Variants in RYR1 observed in about 807,000 individuals in gnomAD.
RYR1 encodes the protein central core disease of muscle.
A neutral mutation model predicts 583.5 loss-of-function variants in RYR1; 342 were observed. That is an observed-to-expected ratio of 0.59 (90% CI 0.54 to 0.64). RYR1 has a LOEUF of 0.64. Among genes scored for constraint, RYR1 ranks in the 30% least tolerant of loss-of-function variants. The probability of loss-of-function intolerance (pLI) is 0.00; values close to 1 mark genes in which losing one functional copy is unlikely to be tolerated. For missense variants in RYR1, 6,032 were observed against 6,917.2 expected (o/e 0.87, Z 4.54); for synonymous variants, 2,791 against 2,822.5 (o/e 0.99, Z 0.35).
chr19:38,455,821 C>A (rs959005049), intron 16 of RYR1, 70 bp downstream of exon 16: 28 of 943,168 alleles, frequency 3.0e-5, no homozygotes, highest in Non-Finnish European at 4.4e-5. Context: ...GGCTCCAGAA[C>A]TCTGCTCACT....
chr19:38,564,944 C>T lies in RYR1; in HGVS notation c.12625-15C>T, dbSNP rs768657844. Reference sequence around the variant, plus strand: ...GCTGACGGCGCCCTATCCTGTCTGCCGCCCCTCGCTTCAGGTGAAGGAGTC... The same window carrying T: ...GCTGACGGCGCCCTATCCTGTCTGCTGCCCCTCGCTTCAGGTGAAGGAGTC... On this transcript the variant is annotated splice_polypyrimidine_tract_variant and intron_variant, in intron 90 of 105. Coordinates refer to ENST00000359596, the MANE Select transcript of RYR1 (RefSeq NM_000540.3). 3.2e-6 allele frequency: 5 copies of T among 1,566,260 alleles called. No individual in the cohort carries two copies. The highest frequency in any genetic ancestry group is 8.6e-7 in the Non-Finnish European group (1 of 1,157,204).
At chr19:38,567,719 C>T in intron 92 of RYR1, 54 bp from the exon 93 acceptor site, 2 of 1,613,138 alleles carry the variant, frequency 1.2e-6, no homozygotes, top group Non-Finnish European at 1.7e-6. Context: ...AATGAATGAA[C>T]TCATGCATTG....
At chr19:38,440,933 G>T in intron 2 of RYR1, 69 bp downstream of exon 2, 1 of 1,543,172 alleles carries the variant, frequency 6.5e-7, no homozygotes, top group Non-Finnish European at 8.9e-7. Flanking sequence ...TGGGTCCAAA[G>T]AAGAGGGTTC....
chr19:38,508,808 T>C (rs1372040345), intron 58 of RYR1, among the ~76,000 whole-genome samples: 1 of 150,870 alleles, frequency 6.6e-6, no homozygotes, highest in Non-Finnish European at 1.5e-5. Context: ...TGACCTTACC[T>C]GGAATGAGAT....
At position 38,561,455 on chromosome 19, in the gene RYR1, G is replaced by GT. The variant is rs772165973; in HGVS notation, c.12624+2dup. On this transcript the variant is annotated splice_donor_variant, in intron 90 of 105. Transcript: ENST00000359596. LOFTEE classifies it high-confidence loss of function. The surrounding 1 kb of genome is among the most constrained non-coding windows in gnomAD (Gnocchi z 4.8). ...CCGCGCCCAGTGGGAGATGCCCCAG[G>GT]TCAGGGAACCCGCGCGCGTGCAAGC... 6 of 1,605,890 alleles carry GT rather than the reference G, an allele frequency of 3.7e-6. No individual in the cohort carries two copies. In the African/African-American group the frequency reaches 8.0e-5, roughly 21 times the overall value.
chr19:38,502,686 G>A lies in RYR1; in HGVS notation c.7794G>A (p.Ala2598=), dbSNP rs576856474. The A allele has an allele frequency of 6.8e-6, 11 of 1,608,118 alleles. No individual in the cohort carries two copies. The African/African-American group carries it at 9.4e-5, about 14-fold the overall frequency. The change falls in exon 48 of 106, where the codon GCG becomes GCA. Residue 2598 remains alanine (A), a synonymous_variant. Coordinates refer to ENST00000359596, the MANE Select transcript of RYR1 (RefSeq NM_000540.3). ...CTCGGGGTCGTTCGCTCACCAAGGC[G>A]CAGCGTGACGTCATCGAGGACTGCC... ...RLSRGRSLTK[A]QRDVIEDCLM... is the part of the protein sequence containing the mutation.
chr19:38,475,775 C>T (rs867985763), intron 29 of RYR1, among the ~76,000 whole-genome samples: 4 of 152,154 alleles, frequency 2.6e-5, no homozygotes, highest in Admixed American at 1.3e-4. Flanking sequence ...AAACACAATA[C>T]CCTCAATGTA....
At chr19:38,560,526 C>T (rs867004715) in intron 89 of RYR1, among the ~76,000 whole-genome samples, 45 of 151,692 alleles carry the variant, frequency 3.0e-4, no homozygotes, top group Non-Finnish European at 5.5e-4. Context: ...GACAGGAGTT[C>T]GAGACCAGCC....
intron 87 of RYR1, among the ~76,000 whole-genome samples, chr19:38,546,178 G>A (rs543624456): frequency 2.6e-5 from 4 of 152,072 alleles, no homozygotes; most frequent in Admixed American, 6.6e-5. Flanking sequence ...TGTCTGCCCC[G>A]CAAGCCTCTC....
rs774360489 is a variant in RYR1 at position 38,499,102 on chromosome 19, C to G, written c.6892-6C>G. ...TGGTCTCTGACTGAGCCCCTTCTGC[C>G]CCCAGGTTGTGTCCTACCTGGCAGG... On this transcript the variant is annotated splice_region_variant and splice_polypyrimidine_tract_variant and intron_variant, in intron 42 of 105. Transcript: ENST00000359596. The surrounding 1 kb of genome is among the most constrained non-coding windows in gnomAD (Gnocchi z 7.3). The G allele has an allele frequency of 2.5e-6, 4 of 1,613,844 alleles. No homozygotes were observed. In the African/African-American group the frequency reaches 5.3e-5, roughly 22 times the overall value.
intron 87 of RYR1, among the ~76,000 whole-genome samples, chr19:38,544,716 T>C (rs183446009): frequency 1.3e-5 from 2 of 152,310 alleles, no homozygotes; most frequent in East Asian, 3.9e-4. Context: ...TAGAATGCAA[T>C]TCCTCCGTGT....
chr19:38,502,766 G>T (rs760113610), intron 48 of RYR1, 39 bp downstream of exon 48: 1 of 856,644 alleles, frequency 1.2e-6, no homozygotes, highest in African/African-American at 2.1e-5. Flanking sequence ...CAGGGGCAGG[G>T]GCAGGGGCAG....
Position 38,512,177 on chromosome 19 carries a change from C to T in RYR1, c.9233+45C>T. On this transcript the variant is annotated intron_variant, in intron 62 of 105. Transcript: ENST00000359596. The surrounding 1 kb of genome is among the most constrained non-coding windows in gnomAD (Gnocchi z 5.1). Reference sequence around the variant, plus strand: ...CGCCCACTCCCACCATCATCGGGCCCCCACCCCAACCCCTGGTCTCCTAGA... The same window carrying T: ...CGCCCACTCCCACCATCATCGGGCCTCCACCCCAACCCCTGGTCTCCTAGA... 6.2e-7 allele frequency: 1 copy of T among 1,613,860 alleles called. No homozygotes were observed.
intron 52 of RYR1, 63 bp downstream of exon 52, chr19:38,505,144 T>A (rs949570584): frequency 2.7e-6 from 4 of 1,462,224 alleles, no homozygotes; most frequent in African/African-American, 1.4e-5. Context: ...CCCGACCTGG[T>A]TCTTCCCTGA....
At chr19:38,435,626 C>T (rs1972392490) in intron 1 of RYR1, among the ~76,000 whole-genome samples, 1 of 152,058 alleles carries the variant, frequency 6.6e-6, no homozygotes, top group South Asian at 2.1e-4. Context: ...ATCTTAGCTA[C>T]TCGGGAGGCT....
chr19:38,537,447 C>T (rs1972023438), intron 83 of RYR1, among the ~76,000 whole-genome samples: 1 of 152,164 alleles, frequency 6.6e-6, no homozygotes, highest in South Asian at 2.1e-4. Context: ...TCCCTCCCAG[C>T]CCAATCTTCC....
At chr19:38,579,124 C>CA (rs1404212248) in intron 99 of RYR1, among the ~76,000 whole-genome samples, 1 of 149,038 alleles carries the variant, frequency 6.7e-6, no homozygotes, top group Non-Finnish European at 1.5e-5. Context: ...CTGTCTCTAA[C>CA]AAAAAACAGA....
rs1970258117 is a variant in RYR1 at position 38,502,910 on chromosome 19, G to A, written c.7866G>A (p.Leu2622=). 6 of 1,611,908 alleles carry A rather than the reference G, an allele frequency of 3.7e-6. No individual in the cohort carries two copies. Among genetic ancestry groups the A allele is most frequent in the Non-Finnish European group, 4.2e-6 (5 of 1,179,998 alleles). ...TCCGCCCGTCGATGCTGCAGCACCT[G>A]TTGCGCCGCCTGGTGTTCGACGTGC... ...RYIRPSMLQH[L]LRRLVFDVPI... The change falls in exon 49 of 106, where the codon CTG becomes CTA. Residue 2622 remains leucine, a synonymous_variant. Coordinates refer to ENST00000359596, the MANE Select transcript of RYR1 (RefSeq NM_000540.3).
Position 38,566,927 on chromosome 19 carries a change from AG to A in RYR1, c.13456del (p.Glu4486SerfsTer65), listed in dbSNP as rs764671061. The A allele has an allele frequency of 6.2e-7, 1 of 1,605,900 alleles. No individual in the cohort carries two copies. The highest frequency in any genetic ancestry group is 8.5e-7 in the Non-Finnish European group (1 of 1,176,616). On this transcript the variant is annotated frameshift_variant, in exon 92 of 106. Transcript: ENST00000359596. LOFTEE classifies it high-confidence loss of function. Reference protein sequence around the residue: ...KRKLGVDGVEEELPPEPEPEP... With the variant: ...KRKLGVDGVEXELPPEPEPEP... The stretch of plus-strand genomic sequence containing the variant: ...TGTCCCTAGGTGGATGGAGTGGAGG[AG>A]GAGCTCCCGCCAGAGCCAGAGCCCG...
Sources: gnomAD v4.1 joint callset for allele counts (sites outside exome capture counted in the v4.1 genomes callset) on GRCh38, gnomAD v4.1.1 for gene constraint, Gnocchi (gnomAD v3.1) non-coding constraint, MANE v1.5 for transcripts, NCBI Gene and HGNC (gene_info 2026-07-23, HGNC 2026-07-21) for gene names.